Variants in IPO11 observed in about 807,000 individuals in gnomAD.
IPO11 encodes the protein importin 11, also known as importin-11.
IPO11 carries 66 observed loss-of-function variants against 143.2 expected under a neutral mutation model. That is an observed-to-expected ratio of 0.46 (90% confidence interval 0.38 to 0.57). IPO11 has a LOEUF of 0.57. IPO11 is among the 20% of genes least tolerant of loss of function. The pLI, the probability that IPO11 is intolerant of heterozygous loss-of-function variation, is 0.00. For synonymous variants in IPO11, 385 were observed against 377.8 expected (o/e 1.02, Z -0.22); for missense variants, 1,026 against 1,141.0 (o/e 0.90, Z 1.45).
In IPO11 at chr5:62,456,948, C is replaced by T. The variant is rs1005194701; in HGVS notation, c.516+5015C>T. On this transcript the variant is annotated intron_variant, in intron 5 of 29. Transcript: ENST00000325324. Reference sequence around the variant, plus strand: ...CTGTACTAAAAATACAAAAATTAGCCGGGTGCCTGTAATCCCACCTACTCG... The same window carrying T: ...CTGTACTAAAAATACAAAAATTAGCTGGGTGCCTGTAATCCCACCTACTCG... Among the ~76,000 whole-genome samples, 23 of 152,008 alleles carry T rather than the reference C, an allele frequency of 1.5e-4. 1 individual carries two copies. The highest frequency in any genetic ancestry group is 7.9e-4 in the Admixed American group (12 of 15,252).
At chr5:62,546,842 C>A (rs559441705) in intron 24 of IPO11, among the ~76,000 whole-genome samples, 1 of 152,066 alleles carries the variant, frequency 6.6e-6, no homozygotes, top group Non-Finnish European at 1.5e-5. Context: ...AGCATTGTCT[C>A]TAGTTTTCTT....
At chr5:62,419,074 A>C in intron 1 of IPO11, 1 of 1,551,184 alleles carries the variant, frequency 6.4e-7, no homozygotes, top group Non-Finnish European at 8.7e-7. Flanking sequence ...TCTAGGCTAT[A>C]AGCCTGTACA....
At chr5:62,553,777 G>T (rs987288816) in intron 26 of IPO11, among the ~76,000 whole-genome samples, 1 of 151,874 alleles carries the variant, frequency 6.6e-6, no homozygotes, top group African/African-American at 2.4e-5. Flanking sequence ...TTTTGAGACA[G>T]AGTCTCACTC....
intron 27 of IPO11, among the ~76,000 whole-genome samples, chr5:62,587,474 A>G (rs1001756473): frequency 2.6e-5 from 4 of 152,066 alleles, no homozygotes; most frequent in African/African-American, 9.7e-5. Flanking sequence ...AAATATCTAT[A>G]GGGGAAAACT....
At chr5:62,462,249 G>A (rs1745385495) in intron 5 of IPO11, among the ~76,000 whole-genome samples, 1 of 152,080 alleles carries the variant, frequency 6.6e-6, no homozygotes, top group Non-Finnish European at 1.5e-5. Context: ...GAACAGAATA[G>A]AATTTTTTTT....
chr5:62,579,549 G>C lies in IPO11; in HGVS notation c.2583-12028G>C, dbSNP rs577998091. 4.5e-6 allele frequency: 7 copies of C among 1,551,080 alleles called. No homozygotes were observed. In the African/African-American group the frequency reaches 6.8e-5, roughly 15 times the overall value. On this transcript the variant is annotated intron_variant, in intron 27 of 29. Coordinates refer to ENST00000325324, the MANE Select transcript of IPO11 (RefSeq NM_016338.5). ...TACTTGGATGTTCGTCTGTTTGTCA[G>C]CTCTGCACTGGGAGACAAATTAACT...
chr5:62,544,966 G>C (rs554096430), intron 24 of IPO11, among the ~76,000 whole-genome samples: 1 of 152,134 alleles, frequency 6.6e-6, no homozygotes, highest in Admixed American at 6.5e-5. Context: ...ACAAATGGAA[G>C]AACATTCCAT....
rs1328105249 is a variant in IPO11 at position 62,508,344 on chromosome 5, C to T, written c.1782+1987C>T. Among the ~76,000 whole-genome samples the T allele has an allele frequency of 5.0e-5, 6 of 118,822 alleles. No individual in the cohort carries two copies. In the Admixed American group the frequency reaches 5.2e-4, roughly 10 times the overall value. 78.0% of individuals were successfully genotyped at this position (118,822 alleles called of 152,430 possible). ...TGTATTTTTAGTAGAGATGTGGTTT[C>T]GCCATTTTGGCTGGGCTGGTCTCAA... is the stretch of plus-strand genomic sequence containing the variant. On this transcript the variant is annotated intron_variant, in intron 19 of 29. Coordinates refer to ENST00000325324, the MANE Select transcript of IPO11 (RefSeq NM_016338.5).
At chr5:62,524,680 A>C (rs1007087619) in intron 20 of IPO11, among the ~76,000 whole-genome samples, 8 of 152,160 alleles carry the variant, frequency 5.3e-5, no homozygotes, top group African/African-American at 1.9e-4. Context: ...TATATTTAAC[A>C]TAAGTTCTGG....
chr5:62,496,285 CAA>C (rs35374263), intron 16 of IPO11, among the ~76,000 whole-genome samples: 1 of 105,224 alleles, frequency 9.5e-6, no homozygotes, highest in African/African-American at 3.6e-5. Context: ...GACTGTGTCT[CAA>C]AAAAAAAAAG....
intron 19 of IPO11, among the ~76,000 whole-genome samples, chr5:62,511,340 T>C (rs539665917): frequency 8.5e-4 from 130 of 152,274 alleles, no homozygotes; most frequent in African/African-American, 2.9e-3. Flanking sequence ...TTTTTACTTA[T>C]TAATTGGCCT....
At chr5:62,607,789 A>G (rs1580382147) in intron 29 of IPO11, among the ~76,000 whole-genome samples, 1 of 149,328 alleles carries the variant, frequency 6.7e-6, no homozygotes. Context: ...TTCTAGTATC[A>G]TGCCACATCT....
intron 26 of IPO11, among the ~76,000 whole-genome samples, chr5:62,557,374 C>T (rs922469572): frequency 6.6e-6 from 1 of 152,028 alleles, no homozygotes; most frequent in African/African-American, 2.4e-5. Context: ...GTAGAGACAG[C>T]GTTTCTCCAT....
chr5:62,510,922 G>C (rs1244191539), intron 19 of IPO11, among the ~76,000 whole-genome samples: 1 of 151,984 alleles, frequency 6.6e-6, no homozygotes, highest in Non-Finnish European at 1.5e-5. Flanking sequence ...TAGTAGAGAC[G>C]GGGTTTCACC....
chr5:62,553,323 A>AGAGTGTGT (rs1257979144), intron 26 of IPO11, among the ~76,000 whole-genome samples: 1 of 119,180 alleles, frequency 8.4e-6, no homozygotes, highest in African/African-American at 3.1e-5. Flanking sequence ...TATTCGTGTG[A>AGAGTGTGT]GTGTGTGTGT....
In IPO11 at chr5:62,484,018, C is replaced by G. The variant is rs1477319742; in HGVS notation, c.1030C>G (p.Pro344Ala). 1.2e-6 allele frequency: 2 copies of G among 1,601,758 alleles called. No individual in the cohort carries two copies. Among genetic ancestry groups the G allele is most frequent in the Non-Finnish European group, 1.7e-6 (2 of 1,176,150 alleles). The change falls in exon 11 of 30, where the codon CCT (proline) becomes GCT (alanine). Residue 344 changes from proline to alanine, a missense_variant. Physicochemically the swap from Pro to Ala is conservative, Grantham distance 27. Coordinates refer to ENST00000325324, the MANE Select transcript of IPO11 (RefSeq NM_016338.5). ...KPSKNFEDSS[P>A]ETLEAHKIKM... The stretch of plus-strand genomic sequence containing the variant: ...AAATTTCATTTTTCTAGATAGCAGC[C>G]CTGAAACTCTTGAAGCCCATAAGAT...
chr5:62,606,446 A>C (rs1033343406), intron 29 of IPO11, among the ~76,000 whole-genome samples: 1 of 136,168 alleles, frequency 7.3e-6, no homozygotes, highest in Non-Finnish European at 1.5e-5. Context: ...TGCCACTGGT[A>C]CTCCAGCCTA....
intron 19 of IPO11, among the ~76,000 whole-genome samples, chr5:62,510,489 C>T (rs1741707878): frequency 6.6e-6 from 1 of 152,162 alleles, no homozygotes; most frequent in Admixed American, 6.5e-5. Context: ...TTAGACCTCT[C>T]CTTCTTAAGA....
chr5:62,480,574 A>C (rs978234466), intron 9 of IPO11, among the ~76,000 whole-genome samples: 5 of 152,134 alleles, frequency 3.3e-5, no homozygotes, highest in African/African-American at 1.2e-4. Context: ...ATCCACGAGC[A>C]TGGAATGTTC....
Sources: allele counts gnomAD v4.1 joint callset (sites outside exome capture counted in the v4.1 genomes callset), GRCh38; gene constraint gnomAD v4.1.1; transcripts MANE v1.5; gene names NCBI Gene and HGNC (gene_info 2026-07-23, HGNC 2026-07-21).